The following C10orf90 variants were observed in gnomAD, a reference collection of about 807,000 sequenced individuals.
C10orf90 encodes (E2-independent) E3 ubiquitin-conjugating enzyme FATS.
C10orf90 carries 56 observed loss-of-function variants against 62.5 expected under a neutral mutation model. The observed-to-expected ratio is 0.90, with a 90% CI of 0.72 to 1.12. The LOEUF (loss-of-function observed/expected upper bound fraction) is 1.12, where lower values mean the gene tolerates loss of function less well. Among genes scored for constraint, C10orf90 ranks in the 50% most tolerant of loss-of-function variants. The pLI is 0.00. For missense variants in C10orf90, 970 were observed against 880.4 expected (o/e 1.10, Z -1.29); for synonymous variants, 386 against 340.4 (o/e 1.13, Z -1.47).
intron 2 of C10orf90, among the ~76,000 whole-genome samples, chr10:126,568,374 C>T (rs549104271): frequency 6.6e-6 from 1 of 152,304 alleles, no homozygotes; most frequent in Non-Finnish European, 1.5e-5. Flanking sequence ...TATTTCCTTA[C>T]TGGCTGTTGC....
intron 2 of C10orf90, among the ~76,000 whole-genome samples, chr10:126,535,391 CCTGTAGTCCCAGCTACGTGGGAGG>C (rs1283216385): frequency 6.6e-6 from 1 of 151,822 alleles, no homozygotes; most frequent in Non-Finnish European, 1.5e-5. Flanking sequence ...GTGGCGGGTG[CCTGTAGTCCCAGCTACGTGGGAGG>C]CTGAGGTAGG....
rs918017981 is a variant in C10orf90, at chr10:126,539,245, G to A, written c.314-25306C>T. 5.3e-5 allele frequency among the ~76,000 whole-genome samples: 8 copies of A among 152,184 alleles called. No homozygotes were observed. The South Asian group carries it at 8.3e-4, about 16-fold the overall frequency. On this transcript the variant is annotated intron_variant, in intron 2 of 9. Coordinates refer to ENST00000488181, the MANE Select transcript of C10orf90 (RefSeq NM_001350921.2). ...GCGCCTTTAGCAGGAAAAGCAAATCGGCTGTGAGTGGAATCCATGCTAGGG... is the reference window on the plus strand; with the variant it reads ...GCGCCTTTAGCAGGAAAAGCAAATCAGCTGTGAGTGGAATCCATGCTAGGG...
At chr10:126,601,204 G>A (rs1845191800) in intron 2 of C10orf90, among the ~76,000 whole-genome samples, 1 of 152,174 alleles carries the variant, frequency 6.6e-6, no homozygotes, top group Non-Finnish European at 1.5e-5. Context: ...GGGGCTGAGG[G>A]TGGGGAGATG....
chr10:126,513,805 G>T (rs767107642), intron 3 of C10orf90, 43 bp downstream of exon 3: 3 of 1,229,412 alleles, frequency 2.4e-6, no homozygotes, highest in South Asian at 1.2e-5. Context: ...TTATAGATGG[G>T]TGCATTTTGC....
At chr10:126,579,273 T>C (rs1844694244) in intron 2 of C10orf90, among the ~76,000 whole-genome samples, 1 of 126,606 alleles carries the variant, frequency 7.9e-6, no homozygotes. Flanking sequence ...CTTTCTTTCT[T>C]TCTTTTTTTT....
chr10:126,641,644 C>A (rs145886550), intron 2 of C10orf90, among the ~76,000 whole-genome samples: 20 of 151,970 alleles, frequency 1.3e-4, no homozygotes, highest in Non-Finnish European at 2.4e-4. Context: ...GCAGTCTCAT[C>A]GGCAGACAGG....
Position 126,618,399 on chromosome 10 carries a change from A to G in C10orf90, c.313+28166T>C, listed in dbSNP as rs188171090. Among the ~76,000 whole-genome samples, 354 of 152,324 alleles carry G rather than the reference A, an allele frequency of 2.3e-3. 2 individuals are homozygous for G. The highest frequency in any genetic ancestry group is 8.0e-3 in the African/African-American group (334 of 41,574). On this transcript the variant is annotated intron_variant, in intron 2 of 9. Transcript: ENST00000488181. ...GTGTCCTTACTGAACACTCTAAGAC[A>G]GGGGCCTCCCGCCTCCCCACATACT...
chr10:126,426,892 A>T (rs939420811), intron 8 of C10orf90, among the ~76,000 whole-genome samples: 21 of 152,210 alleles, frequency 1.4e-4, no homozygotes, highest in African/African-American at 4.8e-4. Flanking sequence ...TTCGCAGGAG[A>T]CATCTTAGGT....
chr10:126,526,117 G>A (rs1863936591), intron 2 of C10orf90, among the ~76,000 whole-genome samples: 2 of 151,994 alleles, frequency 1.3e-5, no homozygotes, highest in South Asian at 2.1e-4. Flanking sequence ...CAGCTAGGAA[G>A]TCACAAAGTC....
intron 7 of C10orf90, among the ~76,000 whole-genome samples, chr10:126,451,605 A>G (rs1306428162): frequency 6.6e-6 from 1 of 152,088 alleles, no homozygotes; most frequent in African/African-American, 2.4e-5. Context: ...ATATATATCC[A>G]TATGTGTGTG....
intron 1 of C10orf90, among the ~76,000 whole-genome samples, chr10:126,649,034 G>GTCTCTCTCTCTC (rs1196569277): frequency 1.5e-4 from 4 of 26,596 alleles, no homozygotes; most frequent in Non-Finnish European, 7.6e-5. Flanking sequence ...CTCTGTCTCT[G>GTCTCTCTCTCTC]TCTCTCTCTC....
intron 7 of C10orf90, among the ~76,000 whole-genome samples, chr10:126,436,579 G>A (rs1433119407): frequency 6.6e-6 from 1 of 152,188 alleles, no homozygotes; most frequent in African/African-American, 2.4e-5. Flanking sequence ...TTAGGCCTTT[G>A]CTTGGTGCTA....
intron 4 of C10orf90, chr10:126,502,560 T>C (rs1862464930): frequency 4.1e-6 from 1 of 242,548 alleles, no homozygotes; most frequent in African/African-American, 2.3e-5. Context: ...CTGAGATGAG[T>C]GTATGAGTGT....
At chr10:126,557,412 A>G (rs1041385658) in intron 2 of C10orf90, among the ~76,000 whole-genome samples, 19 of 151,096 alleles carry the variant, frequency 1.3e-4, no homozygotes, top group Non-Finnish European at 1.5e-4. Flanking sequence ...CGTGGGAGGC[A>G]GAGCTTGCAG....
At chr10:126,610,198 C>T (rs1379420937) in intron 2 of C10orf90, among the ~76,000 whole-genome samples, 1 of 152,198 alleles carries the variant, frequency 6.6e-6, no homozygotes, top group African/African-American at 2.4e-5. Flanking sequence ...AGGGGGTTCA[C>T]CCAAGGGGAC....
At chr10:126,530,830 A>G (rs1397227578) in intron 2 of C10orf90, among the ~76,000 whole-genome samples, 1 of 152,184 alleles carries the variant, frequency 6.6e-6, no homozygotes, top group East Asian at 1.9e-4. Flanking sequence ...AGAGAAAAAA[A>G]CAAAACAAAA....
At chr10:126,573,217 G>C (rs912188769) in intron 2 of C10orf90, among the ~76,000 whole-genome samples, 4 of 152,140 alleles carry the variant, frequency 2.6e-5, no homozygotes, top group African/African-American at 9.7e-5. Context: ...CAGGCGGTAC[G>C]TGACTGGAGG....
At chr10:126,534,313 A>G (rs77452407) in intron 2 of C10orf90, among the ~76,000 whole-genome samples, 1,682 of 152,264 alleles carry the variant, frequency 0.011, 39 homozygotes, top group African/African-American at 0.038. Context: ...TCTGTGTCCA[A>G]ATGACTTCTC....
intron 2 of C10orf90, among the ~76,000 whole-genome samples, chr10:126,565,028 T>TAATATATAAAATATATAATATATATAA (rs1426096709): frequency 1.3e-3 from 12 of 9,082 alleles, no homozygotes; most frequent in South Asian, 4.1e-3. Flanking sequence ...ATATTATATA[T>TAATATATAAAATATATAATATATATAA]TATATAAAAT....
Sources: allele counts gnomAD v4.1 joint callset (sites outside exome capture counted in the v4.1 genomes callset), GRCh38; gene constraint gnomAD v4.1.1; transcripts MANE v1.5; gene names NCBI Gene and HGNC (gene_info 2026-07-23, HGNC 2026-07-21).